The following MTCL3 variants were observed in gnomAD, a reference collection of about 807,000 sequenced individuals.
The protein encoded by MTCL3 is MTCL family member 3.
At chr6:127,477,435 CTCTTT>C in the MTCL3 span, among the ~76,000 whole-genome samples, 2 of 152,190 alleles carry the variant, frequency 1.3e-5, no homozygotes, top group African/African-American at 4.8e-5. Flanking sequence ...TCTCAAAATT[CTCTTT>C]TAAGTGTGTA....
chr6:127,475,247 G>C, the MTCL3 span: 4 of 1,530,304 alleles, frequency 2.6e-6, no homozygotes, highest in Non-Finnish European at 2.6e-6. This position sits in a 1 kb window ranked among gnomAD's most constrained non-coding sequence, Gnocchi z 7.3. Flanking sequence ...GCGGCTCCAC[G>C]GGCCAGCCTG....
At chr6:127,484,571 T>G in the MTCL3 span, among the ~76,000 whole-genome samples, 4 of 152,216 alleles carry the variant, frequency 2.6e-5, no homozygotes, top group African/African-American at 9.6e-5. Context: ...ACTTATTGAA[T>G]GCTTGTATTT....
chr6:127,481,504 C>G, the MTCL3 span: 1 of 983,080 alleles, frequency 1.0e-6, no homozygotes, highest in Non-Finnish European at 1.2e-6. Flanking sequence ...AGGAACAGAG[C>G]AGGTACAGAG....
At chr6:127,516,012 T>C in the MTCL3 span, 1 of 1,591,004 alleles carries the variant, frequency 6.3e-7, no homozygotes, top group Non-Finnish European at 8.5e-7. Flanking sequence ...GCTGAGCGCG[T>C]ACGCCTTTCC....
At chr6:127,501,815 A>T in the MTCL3 span, among the ~76,000 whole-genome samples, 1 of 152,230 alleles carries the variant, frequency 6.6e-6, no homozygotes, top group East Asian at 1.9e-4. Flanking sequence ...AGATCAATTT[A>T]ACTGATCCTG....
chr6:127,511,776 CA>C, the MTCL3 span, among the ~76,000 whole-genome samples: 1 of 152,100 alleles, frequency 6.6e-6, no homozygotes, highest in Non-Finnish European at 1.5e-5. Flanking sequence ...AAACAGATCA[CA>C]AAAAATAGTT....
the MTCL3 span, chr6:127,515,183 A>T: frequency 1.2e-6 from 1 of 829,240 alleles, no homozygotes; most frequent in Non-Finnish European, 2.0e-6. This position sits in a 1 kb window ranked among gnomAD's most constrained non-coding sequence, Gnocchi z 4.3. Flanking sequence ...AGTGACAAGG[A>T]GCTGAGTACA....
chr6:127,500,234 AAGTC>A, the MTCL3 span, among the ~76,000 whole-genome samples: 1 of 152,206 alleles, frequency 6.6e-6, no homozygotes, highest in South Asian at 2.1e-4. Flanking sequence ...AAAGGAATAA[AAGTC>A]AGACTGATCT....
chr6:127,516,613 ATGGCT>A, the MTCL3 span: 1 of 1,595,872 alleles, frequency 6.3e-7, no homozygotes, highest in Non-Finnish European at 8.5e-7. Flanking sequence ...TGGCTGACTC[ATGGCT>A]ATGAACCTAC....
At chr6:127,513,984 C>G in the MTCL3 span, among the ~76,000 whole-genome samples, 1 of 152,168 alleles carries the variant, frequency 6.6e-6, no homozygotes, top group Non-Finnish European at 1.5e-5. Flanking sequence ...TTACACATAG[C>G]TTTCTTTAAA....
chr6:127,480,282 A>T, the MTCL3 span, among the ~76,000 whole-genome samples: 1 of 152,178 alleles, frequency 6.6e-6, no homozygotes, highest in African/African-American at 2.4e-5. Flanking sequence ...AAATAGAGGC[A>T]CTAAAAAGAA....
chr6:127,483,103 T>C, the MTCL3 span: 11 of 779,038 alleles, frequency 1.4e-5, no homozygotes, highest in Non-Finnish European at 2.1e-5. Context: ...GTTAGTTCAA[T>C]AATCATAAAA....
At chr6:127,499,197 T>G in the MTCL3 span, among the ~76,000 whole-genome samples, 1 of 152,124 alleles carries the variant, frequency 6.6e-6, no homozygotes, top group Non-Finnish European at 1.5e-5. Context: ...TTAGAAAATA[T>G]TGTACCCTTA....
At chr6:127,507,859 A>AG in the MTCL3 span, among the ~76,000 whole-genome samples, 2 of 136,040 alleles carry the variant, frequency 1.5e-5, no homozygotes, top group Non-Finnish European at 3.2e-5. Context: ...AAAAAAAAAA[A>AG]AAAAAAAAAA....
chr6:127,515,067 C>G, the MTCL3 span: 1 of 1,609,110 alleles, frequency 6.2e-7, no homozygotes, highest in Non-Finnish European at 8.5e-7. This position sits in a 1 kb window ranked among gnomAD's most constrained non-coding sequence, Gnocchi z 4.3. Flanking sequence ...TGACAGGCCG[C>G]GTGTCAAAAT....
chr6:127,475,219 G>A, the MTCL3 span: 406 of 1,477,266 alleles, frequency 2.7e-4, no homozygotes, highest in Non-Finnish European at 3.6e-4. The surrounding 1 kb of genome is among the most constrained non-coding windows in gnomAD (Gnocchi z 7.3). Flanking sequence ...TCCGGGCGCC[G>A]AGACGCCCCC....
the MTCL3 span, chr6:127,476,382 T>C: frequency 4.0e-5 from 65 of 1,613,966 alleles, no homozygotes; most frequent in Non-Finnish European, 5.5e-5. The surrounding 1 kb of genome is among the most constrained non-coding windows in gnomAD (Gnocchi z 4.4). Context: ...TGTCCTTTTC[T>C]TTATCAATCT....
the MTCL3 span, chr6:127,519,102 G>A: frequency 6.6e-6 from 1 of 152,258 alleles, no homozygotes; most frequent in Non-Finnish European, 1.5e-5. Flanking sequence ...AGCCACGCCC[G>A]AGATGGAAGA....
At chr6:127,482,068 T>C in the MTCL3 span, among the ~76,000 whole-genome samples, 1 of 152,228 alleles carries the variant, frequency 6.6e-6, no homozygotes, top group Non-Finnish European at 1.5e-5. The surrounding 1 kb of genome is among the most constrained non-coding windows in gnomAD (Gnocchi z 4.1). Context: ...ACCCCTTGTT[T>C]AGCATATCAA....
Sources: allele counts gnomAD v4.1 joint callset (sites outside exome capture counted in the v4.1 genomes callset), GRCh38; gene constraint gnomAD v4.1.1; non-coding constraint Gnocchi (gnomAD v3.1); transcripts MANE v1.5; gene names NCBI Gene and HGNC (gene_info 2026-07-23, HGNC 2026-07-21).